Variants in ARID3B observed in about 807,000 individuals in gnomAD.
The protein encoded by ARID3B is AT-rich interaction domain 3B, also known as AT-rich interactive domain-containing protein 3B.
A neutral mutation model predicts 51.9 loss-of-function variants in ARID3B; 10 were observed. That is an observed-to-expected ratio of 0.19 (90% CI 0.12 to 0.33). ARID3B has a LOEUF of 0.33. Among genes scored for constraint, ARID3B ranks in the 10% least tolerant of loss-of-function variants. The probability of loss-of-function intolerance (pLI) is 1.00; values close to 1 mark genes in which losing one functional copy is unlikely to be tolerated. For synonymous variants in ARID3B, 205 were observed against 279.5 expected (o/e 0.73, Z 2.66); for missense variants, 483 against 716.3 (o/e 0.67, Z 3.72).
At chr15:74,592,774 G>C (rs2061808585) in intron 7 of ARID3B, among the ~76,000 whole-genome samples, 1 of 152,188 alleles carries the variant, frequency 6.6e-6, no homozygotes, top group Non-Finnish European at 1.5e-5. Context: ...CTCAAAGTTG[G>C]GGCTGGGTCT....
At chr15:74,567,355 A>G (rs750795901) in intron 2 of ARID3B, among the ~76,000 whole-genome samples, 5 of 151,184 alleles carry the variant, frequency 3.3e-5, no homozygotes, top group Non-Finnish European at 5.9e-5. Flanking sequence ...GGGTTTTCCT[A>G]TTTGTTGTCT....
chr15:74,562,062 A>G (rs1183410038), intron 2 of ARID3B, among the ~76,000 whole-genome samples: 1 of 148,666 alleles, frequency 6.7e-6, no homozygotes, highest in African/African-American at 2.5e-5. Context: ...AAAAAAAAGC[A>G]GGCTAGGTTA....
chr15:74,564,188 C>A (rs893649791), intron 2 of ARID3B, among the ~76,000 whole-genome samples: 2 of 152,132 alleles, frequency 1.3e-5, no homozygotes, highest in Non-Finnish European at 2.9e-5. Flanking sequence ...TTTTGTAGTC[C>A]AACAGTGTTG....
At chr15:74,577,387 G>A (rs1320634308) in intron 4 of ARID3B, among the ~76,000 whole-genome samples, 9 of 152,138 alleles carry the variant, frequency 5.9e-5, no homozygotes, top group Admixed American at 1.3e-4. Flanking sequence ...CCCGGGAGGC[G>A]GAGGTTGCAG....
intron 4 of ARID3B, among the ~76,000 whole-genome samples, chr15:74,576,411 C>G (rs567648648): frequency 6.6e-6 from 1 of 152,278 alleles, no homozygotes; most frequent in Admixed American, 6.5e-5. Context: ...TGGTGGCTCA[C>G]GCCTGTAATC....
At chr15:74,562,491 G>GTT (rs933972075) in intron 2 of ARID3B, among the ~76,000 whole-genome samples, 4 of 152,162 alleles carry the variant, frequency 2.6e-5, no homozygotes, top group African/African-American at 9.7e-5. Flanking sequence ...GCCATCATAA[G>GTT]TATTTTTCTG....
At chr15:74,586,638 G>T (rs116597204) in intron 4 of ARID3B, among the ~76,000 whole-genome samples, 5,071 of 152,328 alleles carry the variant, frequency 0.033, 296 homozygotes, top group African/African-American at 0.12. Flanking sequence ...GGAGGCTGAA[G>T]TGGGAGGATT....
In ARID3B at chr15:74,583,573, C is replaced by T. The variant is rs142733660; in HGVS notation, c.698-6247C>T. On this transcript the variant is annotated intron_variant, in intron 4 of 8. Coordinates refer to ENST00000346246, the MANE Select transcript of ARID3B (RefSeq NM_006465.4). Reference sequence around the variant, plus strand: ...CTCCACTAAAAATGCAAAAATTAGCCAGGCATGGTGGCAAGCGCCTGTAAT... The same window carrying T: ...CTCCACTAAAAATGCAAAAATTAGCTAGGCATGGTGGCAAGCGCCTGTAAT... Among the ~76,000 whole-genome samples, 156 of 151,948 alleles carry T rather than the reference C, an allele frequency of 1.0e-3. 3 individuals carry two copies. The East Asian group carries it at 0.024, about 24-fold the overall frequency.
chr15:74,544,110 G>A lies in ARID3B; in HGVS notation c.174G>A (p.Gly58=). ...TQPTLLSATA[G]RPSGSTPLGP... ...CGACTCTCCTTTCCGCCACAGCTGG[G>A]AGACCTTCTGGCAGCACTCCCTTAG... is the stretch of plus-strand genomic sequence containing the variant. The change falls in exon 2 of 9, where the codon GGG becomes GGA. Residue 58 remains glycine (G), a synonymous_variant. Transcript: ENST00000346246. 1.2e-6 allele frequency: 2 copies of A among 1,613,946 alleles called. No individual in the cohort carries two copies. Among genetic ancestry groups the A allele is most frequent in the Non-Finnish European group, 1.7e-6 (2 of 1,179,866 alleles).
chr15:74,587,707 A>C (rs2061786434), intron 4 of ARID3B, among the ~76,000 whole-genome samples: 1 of 152,166 alleles, frequency 6.6e-6, no homozygotes, highest in East Asian at 1.9e-4. Context: ...GGTCGACGTT[A>C]GCCCTGTCCT....
intron 2 of ARID3B, among the ~76,000 whole-genome samples, chr15:74,569,339 C>CATT (rs537321709): frequency 0.011 from 1,722 of 151,690 alleles, 7 homozygotes; most frequent in African/African-American, 0.023. Flanking sequence ...GCTCCCTCTT[C>CATT]ATTATTATTA....
intron 2 of ARID3B, among the ~76,000 whole-genome samples, chr15:74,571,555 C>T (rs539101612): frequency 6.6e-6 from 1 of 152,300 alleles, no homozygotes; most frequent in South Asian, 2.1e-4. Context: ...AGCACAAAGA[C>T]TTTTTGACCC....
In ARID3B at chr15:74,582,447, C is replaced by A. The variant is rs145579659; in HGVS notation, c.698-7373C>A. Among the ~76,000 whole-genome samples the A allele has an allele frequency of 6.1e-3, 924 of 152,196 alleles. 5 individuals carry two copies. Among genetic ancestry groups the A allele is most frequent in the African/African-American group, 0.022 (897 of 41,518 alleles). ...CCTCCCAAAATGTTGGAATTACAGG[C>A]GTGAGCCACCGCGCCCAGCCACCAT... On this transcript the variant is annotated intron_variant, in intron 4 of 8. Coordinates refer to ENST00000346246, the MANE Select transcript of ARID3B (RefSeq NM_006465.4).
At position 74,591,918 on chromosome 15, in the gene ARID3B, C is replaced by G. The variant is rs917325786; in HGVS notation, c.1420+104C>G. ...GGGTGGTGAGGCACATACTCCTGAC[C>G]TGGAAGAGGCCCCTCCAGGTTCTGC... On this transcript the variant is annotated intron_variant, in intron 7 of 8. Transcript: ENST00000346246. The surrounding 1 kb of genome is among the most constrained non-coding windows in gnomAD (Gnocchi z 5.8). 1.0e-5 allele frequency: 15 copies of G among 1,502,018 alleles called. No homozygotes were observed. The highest frequency in any genetic ancestry group is 1.3e-5 in the Non-Finnish European group (15 of 1,119,192). The allele number at this position is 1,502,018 out of a possible 1,614,324, so 93.0% of individuals were successfully genotyped here.
intron 4 of ARID3B, among the ~76,000 whole-genome samples, chr15:74,586,461 A>G (rs2061782069): frequency 6.6e-6 from 1 of 152,236 alleles, no homozygotes; most frequent in South Asian, 2.1e-4. Context: ...ATCTATAACA[A>G]TGTTGTCCTT....
intron 2 of ARID3B, among the ~76,000 whole-genome samples, chr15:74,549,987 A>G (rs2061630425): frequency 6.6e-6 from 1 of 152,238 alleles, no homozygotes; most frequent in Non-Finnish European, 1.5e-5. Context: ...AGATTGTGCA[A>G]CCAGAAAGAA....
At chr15:74,568,519 A>G (rs946248458) in intron 2 of ARID3B, among the ~76,000 whole-genome samples, 11 of 152,198 alleles carry the variant, frequency 7.2e-5, no homozygotes, top group African/African-American at 1.4e-4. Context: ...CCACTTCTAC[A>G]TTATAGAATT....
chr15:74,543,377 A>G (rs1007253009), intron 1 of ARID3B, among the ~76,000 whole-genome samples: 4 of 152,144 alleles, frequency 2.6e-5, no homozygotes, highest in African/African-American at 7.2e-5. Context: ...CTTAGAGGTG[A>G]TATCTTTCTC....
chr15:74,577,107 G>T (rs1246764191), intron 4 of ARID3B, among the ~76,000 whole-genome samples: 1 of 152,176 alleles, frequency 6.6e-6, no homozygotes, highest in Admixed American at 6.5e-5. Flanking sequence ...TAGTGTAGAG[G>T]TTGTTATTCC....
Sources: allele counts gnomAD v4.1 joint callset (sites outside exome capture counted in the v4.1 genomes callset), GRCh38; gene constraint gnomAD v4.1.1; non-coding constraint Gnocchi (gnomAD v3.1); transcripts MANE v1.5; gene names NCBI Gene and HGNC (gene_info 2026-07-23, HGNC 2026-07-21).